The following NXN variants were observed in gnomAD, a reference collection of about 807,000 sequenced individuals.
NXN encodes nucleoredoxin 1.
Under a neutral mutation model 48.6 loss-of-function variants are expected in NXN, and 16 were observed. The observed-to-expected ratio is 0.33, with a 90% CI of 0.22 to 0.50. NXN has a LOEUF of 0.50. NXN is among the 20% of genes least tolerant of loss of function. The probability of loss-of-function intolerance (pLI) is 0.98; values close to 1 mark genes in which losing one functional copy is unlikely to be tolerated. For synonymous variants in NXN, 281 were observed against 269.6 expected, an observed-to-expected ratio of 1.04 and a Z score of -0.41; for missense variants, 492 against 605.5, an observed-to-expected ratio of 0.81 and a Z score of 1.97.
Position 932,809 on chromosome 17 carries a change from G to C in NXN, c.360+46510C>G, listed in dbSNP as rs1047019159. Among the ~76,000 whole-genome samples the C allele has an allele frequency of 6.6e-5, 10 of 152,162 alleles. No homozygotes were observed. Among genetic ancestry groups the C allele is most frequent in the African/African-American group, 1.7e-4 (7 of 41,438 alleles). ...GTCATCTGCGCCCGCCACCACGCCA[G>C]GCTAATTTTTATATTTTTAGTAGAG... is the stretch of plus-strand genomic sequence containing the variant. On this transcript the variant is annotated intron_variant, in intron 1 of 7. Coordinates refer to ENST00000336868, the MANE Select transcript of NXN (RefSeq NM_022463.5). The surrounding 1 kb of genome is among the most constrained non-coding windows in gnomAD (Gnocchi z 4.1).
At chr17:909,164 G>A (rs9328722) in intron 1 of NXN, among the ~76,000 whole-genome samples, 83,279 of 149,756 alleles carry the variant, frequency 0.56, 23,411 homozygotes, top group Admixed American at 0.67. Context: ...TCAAACGAGA[G>A]GAACACATCT....
At chr17:931,683 A>C (rs578193881) in intron 1 of NXN, among the ~76,000 whole-genome samples, 2,120 of 151,040 alleles carry the variant, frequency 0.014, 26 homozygotes, top group Non-Finnish European at 0.02. Flanking sequence ...AAAAATACAA[A>C]AATTAGCCGG....
At chr17:946,612 A>T (rs1381470477) in intron 1 of NXN, among the ~76,000 whole-genome samples, 1 of 152,164 alleles carries the variant, frequency 6.6e-6, no homozygotes, top group Non-Finnish European at 1.5e-5. Context: ...CCACCAAAAG[A>T]CAGCGGTGAC....
At chr17:953,009 G>A (rs1367637694) in intron 1 of NXN, among the ~76,000 whole-genome samples, 1 of 152,136 alleles carries the variant, frequency 6.6e-6, no homozygotes, top group African/African-American at 2.4e-5. Context: ...AGGCTACCCC[G>A]TGTTAAAGAT....
Position 815,331 on chromosome 17 carries a change from T to C in NXN, c.820+4108A>G, listed in dbSNP as rs188482009. Among the ~76,000 whole-genome samples the C allele has an allele frequency of 3.4e-4, 51 of 149,448 alleles. No homozygotes were observed. In the East Asian group the frequency reaches 1.0e-2, roughly 29 times the overall value. On this transcript the variant is annotated intron_variant, in intron 5 of 7. Transcript: ENST00000336868. ...CTTCCATCTGTATGATGAGGGCGAGTGTCCACTCTAGATCCCTAAGCTCTG... is the reference window on the plus strand; with the variant it reads ...CTTCCATCTGTATGATGAGGGCGAGCGTCCACTCTAGATCCCTAAGCTCTG...
Position 805,179 on chromosome 17 carries a change from GCACCTCCACC to G in NXN, c.879_888del (p.Val294Ter). ...AACTCCCGGCAGTCCTCGTCGTTCA[GCACCTCCACC>G]CGCCCCTGCCGCGTGATCACCTCGC... On this transcript the variant is annotated frameshift_variant, in exon 6 of 8. Coordinates refer to ENST00000336868, the MANE Select transcript of NXN (RefSeq NM_022463.5). LOFTEE classifies it high-confidence loss of function. 6.2e-7 allele frequency: 1 copy of G among 1,609,772 alleles called. No individual in the cohort carries two copies. The highest frequency in any genetic ancestry group is 8.5e-7 in the Non-Finnish European group (1 of 1,178,762).
At chr17:842,502 G>A (rs879064316) in intron 1 of NXN, 1 of 985,306 alleles carries the variant, frequency 1.0e-6, no homozygotes, top group Non-Finnish European at 1.2e-6. Context: ...TGAACACGGG[G>A]CCGCGTCTCA....
intron 6 of NXN, 29 bp downstream of exon 6, chr17:805,039 C>T: frequency 1.9e-6 from 3 of 1,539,910 alleles, no homozygotes; most frequent in Non-Finnish European, 2.6e-6. Context: ...CCAGCCACCC[C>T]TCGCCCCCTG....
intron 1 of NXN, among the ~76,000 whole-genome samples, chr17:885,712 G>A (rs1370244057): frequency 1.7e-5 from 2 of 115,866 alleles, no homozygotes; most frequent in East Asian, 2.7e-4. Context: ...AGACAGAGTC[G>A]CTCTGTCCCC....
At chr17:814,427 T>C (rs764943896) in intron 5 of NXN, among the ~76,000 whole-genome samples, 42 of 152,112 alleles carry the variant, frequency 2.8e-4, no homozygotes, top group Non-Finnish European at 5.4e-4. Flanking sequence ...CCACGGATGA[T>C]GAGGTGCTGG....
At chr17:918,717 C>T (rs551110898) in intron 1 of NXN, among the ~76,000 whole-genome samples, 4 of 141,130 alleles carry the variant, frequency 2.8e-5, no homozygotes, top group East Asian at 4.3e-4. Flanking sequence ...CGCTTGCACC[C>T]GGGAGGCAGA....
At chr17:964,803 AC>A (rs1451536758) in intron 1 of NXN, among the ~76,000 whole-genome samples, 1 of 152,258 alleles carries the variant, frequency 6.6e-6, no homozygotes, top group Non-Finnish European at 1.5e-5. Context: ...ATCTATCAGC[AC>A]AAGGACAGTG....
intron 1 of NXN, among the ~76,000 whole-genome samples, chr17:850,768 G>A (rs1451689891): frequency 1.3e-5 from 2 of 152,180 alleles, no homozygotes; most frequent in Non-Finnish European, 2.9e-5. Flanking sequence ...TTCAGAAGCA[G>A]GCACAGTACA....
At chr17:952,993 G>A (rs560809520) in intron 1 of NXN, among the ~76,000 whole-genome samples, 8 of 152,190 alleles carry the variant, frequency 5.3e-5, no homozygotes, top group African/African-American at 9.6e-5. Flanking sequence ...GTCCTAGAGG[G>A]GTCCTAGGCT....
At chr17:844,480 CG>C (rs2067838111) in intron 1 of NXN, among the ~76,000 whole-genome samples, 1 of 152,212 alleles carries the variant, frequency 6.6e-6, no homozygotes, top group South Asian at 2.1e-4. Context: ...TCCTGTGGCT[CG>C]GAACAAGCTA....
At chr17:841,222 A>AGAT (rs1043840150) in intron 1 of NXN, among the ~76,000 whole-genome samples, 1 of 152,202 alleles carries the variant, frequency 6.6e-6, no homozygotes, top group Non-Finnish European at 1.5e-5. Flanking sequence ...GGGCCCTTCC[A>AGAT]GATGCTACTT....
At chr17:821,852 C>G (rs1478015534) in intron 4 of NXN, among the ~76,000 whole-genome samples, 3 of 151,988 alleles carry the variant, frequency 2.0e-5, no homozygotes, top group African/African-American at 7.2e-5. Context: ...CCTTCCCTGT[C>G]TCTTCACCAC....
chr17:805,463 C>T (rs140526121), intron 5 of NXN, among the ~76,000 whole-genome samples: 57 of 152,274 alleles, frequency 3.7e-4, no homozygotes, highest in African/African-American at 1.3e-3. Context: ...CTCGGGTCAG[C>T]CTGTAACCTG....
At chr17:900,874 G>A (rs1356250510) in intron 1 of NXN, among the ~76,000 whole-genome samples, 1 of 149,188 alleles carries the variant, frequency 6.7e-6, no homozygotes, top group African/African-American at 2.5e-5. Flanking sequence ...GGAGTTTTGA[G>A]AGAAAAGTGT....
Sources: allele counts gnomAD v4.1 joint callset (sites outside exome capture counted in the v4.1 genomes callset), GRCh38; gene constraint gnomAD v4.1.1; non-coding constraint Gnocchi (gnomAD v3.1); transcripts MANE v1.5; gene names NCBI Gene and HGNC (gene_info 2026-07-23, HGNC 2026-07-21).